Variants in SPDYE10 observed in about 807,000 individuals in gnomAD.
The protein encoded by SPDYE10 is speedy protein E10.
the SPDYE10 span, among the ~76,000 whole-genome samples, chr7:73,113,821 A>C: frequency 6.6e-6 from 1 of 151,934 alleles, no homozygotes; most frequent in Non-Finnish European, 1.5e-5. Flanking sequence ...GGATCACGAG[A>C]TCAGGAGATC....
At chr7:73,113,849 C>T in the SPDYE10 span, among the ~76,000 whole-genome samples, 3 of 151,808 alleles carry the variant, frequency 2.0e-5, no homozygotes, top group Admixed American at 1.3e-4. Context: ...TCCTGGCTAA[C>T]ACCCCATCTC....
chr7:73,141,085 C>G, the SPDYE10 span, among the ~76,000 whole-genome samples: 1 of 150,242 alleles, frequency 6.7e-6, no homozygotes, highest in South Asian at 2.1e-4. Flanking sequence ...CACACACACA[C>G]ACACACACAC....
At chr7:73,113,862 C>G in the SPDYE10 span, among the ~76,000 whole-genome samples, 169 of 152,032 alleles carry the variant, frequency 1.1e-3, no homozygotes, top group African/African-American at 3.8e-3. Context: ...CCCATCTCTG[C>G]TAAAAATACA....
chr7:73,127,734 A>C, the SPDYE10 span, among the ~76,000 whole-genome samples: 2 of 116,146 alleles, frequency 1.7e-5, no homozygotes, highest in Non-Finnish European at 3.7e-5. Context: ...GTTCAACCAC[A>C]ATGACAATCA....
At chr7:73,135,406 GCATTCATT>G in the SPDYE10 span, among the ~76,000 whole-genome samples, 150 of 146,144 alleles carry the variant, frequency 1.0e-3, 2 homozygotes, top group East Asian at 6.1e-3. Flanking sequence ...CTTTGTCCAC[GCATTCATT>G]CATTCATTCA....
At chr7:73,123,830 G>A in the SPDYE10 span, among the ~76,000 whole-genome samples, 1 of 28,292 alleles carries the variant, frequency 3.5e-5, no homozygotes, top group East Asian at 1.4e-3. Flanking sequence ...TCTCTCTCTG[G>A]CTGGAGTGCA....
the SPDYE10 span, among the ~76,000 whole-genome samples, chr7:73,130,266 C>T: frequency 0.014 from 2,119 of 149,462 alleles, 21 homozygotes; most frequent in African/African-American, 0.05. Flanking sequence ...CCAGCCTGGG[C>T]AACATGTTGA....
chr7:73,134,784 C>T, the SPDYE10 span, among the ~76,000 whole-genome samples: 1 of 152,268 alleles, frequency 6.6e-6, no homozygotes, highest in African/African-American at 2.4e-5. Context: ...ATTGCTTGAA[C>T]CCAGGAGGCG....
the SPDYE10 span, among the ~76,000 whole-genome samples, chr7:73,137,698 AGGGAAAGGGAG>A: frequency 5.3e-5 from 2 of 37,602 alleles, no homozygotes; most frequent in Middle Eastern, 7.6e-3. Context: ...GGAGAGGGGA[AGGGAAAGGGAG>A]GGGGAGGGGA....
chr7:73,149,894 T>C, the SPDYE10 span, among the ~76,000 whole-genome samples: 1 of 77,946 alleles, frequency 1.3e-5, no homozygotes. Flanking sequence ...GATTTGCCAA[T>C]ACCCCATTGG....
the SPDYE10 span, among the ~76,000 whole-genome samples, chr7:73,126,909 GTT>G: frequency 2.9e-5 from 2 of 68,802 alleles, no homozygotes; most frequent in African/African-American, 1.1e-4. Context: ...GTTGTTGGTG[GTT>G]TTTTTTTTTT....
At chr7:73,141,070 CCACA>C in the SPDYE10 span, among the ~76,000 whole-genome samples, 61,718 of 135,682 alleles carry the variant, frequency 0.45, 8,069 homozygotes, top group East Asian at 0.52. Context: ...TCCATTTCTA[CCACA>C]CACACACACA....
At chr7:73,154,765 C>A in the SPDYE10 span, among the ~76,000 whole-genome samples, 1 of 151,124 alleles carries the variant, frequency 6.6e-6, no homozygotes, top group South Asian at 2.1e-4. Context: ...TCCCGTGCAC[C>A]GGGCTGCCGG....
At chr7:73,150,895 CAAAAA>C in the SPDYE10 span, among the ~76,000 whole-genome samples, 1 of 1,222 alleles carries the variant, frequency 8.2e-4, no homozygotes, top group Non-Finnish European at 1.3e-3. Flanking sequence ...GACCCTGTCT[CAAAAA>C]AAAAAAAATA....
At chr7:73,113,358 TAAAAC>T in the SPDYE10 span, among the ~76,000 whole-genome samples, 3 of 29,626 alleles carry the variant, frequency 1.0e-4, no homozygotes, top group Non-Finnish European at 2.0e-4. Flanking sequence ...AGCCCATCTC[TAAAAC>T]AAAACAAAAC....
the SPDYE10 span, among the ~76,000 whole-genome samples, chr7:73,125,356 G>A: frequency 2.1e-5 from 3 of 145,556 alleles, no homozygotes; most frequent in African/African-American, 2.8e-5. Context: ...CTTCTCTTGG[G>A]CTAGAGCCTT....
chr7:73,115,302 C>T, the SPDYE10 span, among the ~76,000 whole-genome samples: 1 of 152,140 alleles, frequency 6.6e-6, no homozygotes, highest in Non-Finnish European at 1.5e-5. Flanking sequence ...CATTTTCCGT[C>T]CCAAGTCCCT....
the SPDYE10 span, among the ~76,000 whole-genome samples, chr7:73,137,915 G>GGGGAAGGGGAGGGGAAGGGAAGGGGAA: frequency 5.9e-5 from 8 of 134,960 alleles, no homozygotes; most frequent in Non-Finnish European, 3.2e-5. Flanking sequence ...GGGAAGGGAA[G>GGGGAAGGGGAGGGGAAGGGAAGGGGAA]GGGAAGGGGA....
the SPDYE10 span, among the ~76,000 whole-genome samples, chr7:73,149,678 A>G: frequency 1.3e-5 from 2 of 149,726 alleles, no homozygotes; most frequent in African/African-American, 4.9e-5. Context: ...ACTCAGTTAG[A>G]CAGTCAGATG....
Sources: gnomAD v4.1 joint callset for allele counts (sites outside exome capture counted in the v4.1 genomes callset) on GRCh38, gnomAD v4.1.1 for gene constraint, MANE v1.5 for transcripts, NCBI Gene and HGNC (gene_info 2026-07-23, HGNC 2026-07-21) for gene names.